Variants in SLIT2 observed in about 807,000 individuals in gnomAD.
SLIT2 encodes slit guidance ligand 2.
A neutral mutation model predicts 185.7 loss-of-function variants in SLIT2; 41 were observed. The ratio of observed to expected loss-of-function variants is 0.22; its 90% CI spans 0.17 to 0.29. SLIT2 has a LOEUF of 0.29. SLIT2 is among the 10% of genes least tolerant of loss of function. The probability of loss-of-function intolerance (pLI) is 1.00; values close to 1 mark genes in which losing one functional copy is unlikely to be tolerated. For missense variants in SLIT2, 1,571 were observed against 1,909.0 expected, an observed-to-expected ratio of 0.82 and a Z score of 3.30; for synonymous variants, 693 against 680.2, an observed-to-expected ratio of 1.02 and a Z score of -0.29.
At chr4:20,584,243 C>T (rs1053000436) in intron 29 of SLIT2, among the ~76,000 whole-genome samples, 2 of 152,300 alleles carry the variant, frequency 1.3e-5, no homozygotes, top group Non-Finnish European at 2.9e-5. Context: ...AGTCAACTCT[C>T]GTATATTGCA....
At position 20,589,115 on chromosome 4, in the gene SLIT2, T is replaced by C. The variant is rs558458917; in HGVS notation, c.3089-529T>C. On this transcript the variant is annotated intron_variant, in intron 29 of 36. Transcript: ENST00000504154. ...AGGGTACATATGGAATGATTTCATT[T>C]ATGTCAAGCTCAAAAACAGTCACAG... Among the ~76,000 whole-genome samples, 20 of 152,278 alleles carry C rather than the reference T, an allele frequency of 1.3e-4. 1 individual carries two copies. In the South Asian group the frequency reaches 3.9e-3, roughly 30 times the overall value.
At chr4:20,381,562 C>T (rs565878030) in intron 4 of SLIT2, among the ~76,000 whole-genome samples, 1 of 152,176 alleles carries the variant, frequency 6.6e-6, no homozygotes, top group Admixed American at 6.5e-5. Flanking sequence ...ATGTTACTTA[C>T]TTTTCCTGAT....
intron 4 of SLIT2, among the ~76,000 whole-genome samples, chr4:20,405,645 T>C (rs1296276231): frequency 6.6e-6 from 1 of 151,908 alleles, no homozygotes; most frequent in Non-Finnish European, 1.5e-5. Flanking sequence ...AAGGTGGTAT[T>C]AGTAGACTCA....
intron 33 of SLIT2, among the ~76,000 whole-genome samples, chr4:20,609,527 GTGTT>G (rs776320232): frequency 6.6e-6 from 1 of 152,298 alleles, no homozygotes; most frequent in Non-Finnish European, 1.5e-5. Flanking sequence ...ATTTGTGTGT[GTGTT>G]TGATTCTGGT....
At chr4:20,595,884 C>T in intron 31 of SLIT2, 50 bp downstream of exon 31, 1 of 1,484,866 alleles carries the variant, frequency 6.7e-7, no homozygotes, top group Non-Finnish European at 9.4e-7. Flanking sequence ...CCTAGCACAA[C>T]AGGGTGACTA....
At chr4:20,474,555 A>G (rs1715892696) in intron 5 of SLIT2, among the ~76,000 whole-genome samples, 1 of 152,136 alleles carries the variant, frequency 6.6e-6, no homozygotes, top group African/African-American at 2.4e-5. Flanking sequence ...CACAAAACAC[A>G]AGATAGTCTG....
At chr4:20,498,109 G>A (rs751431264) in intron 9 of SLIT2, among the ~76,000 whole-genome samples, 1 of 152,138 alleles carries the variant, frequency 6.6e-6, no homozygotes, top group Non-Finnish European at 1.5e-5. Flanking sequence ...GGAGGCGGAG[G>A]CAGCAGTCAG....
At chr4:20,361,024 T>A (rs1357684376) in intron 4 of SLIT2, among the ~76,000 whole-genome samples, 1 of 152,202 alleles carries the variant, frequency 6.6e-6, no homozygotes, top group Non-Finnish European at 1.5e-5. Context: ...TCAGAGCTGA[T>A]TAACAAATTA....
At chr4:20,551,214 C>T (rs989985620) in intron 25 of SLIT2, among the ~76,000 whole-genome samples, 1 of 152,174 alleles carries the variant, frequency 6.6e-6, no homozygotes, top group Non-Finnish European at 1.5e-5. Context: ...ACATCAGCTC[C>T]CTTTTAATTA....
At chr4:20,486,166 C>A (rs1717213493) in intron 6 of SLIT2, 34 bp from the exon 7 acceptor site, 1 of 1,291,012 alleles carries the variant, frequency 7.7e-7, no homozygotes, top group Non-Finnish European at 1.1e-6. Flanking sequence ...AATTTTGTAT[C>A]TAAAAATTCT....
chr4:20,419,726 A>T lies in SLIT2; in HGVS notation c.396-48026A>T, dbSNP rs1291667512. 2.0e-5 allele frequency among the ~76,000 whole-genome samples: 3 copies of T among 150,628 alleles called. No individual in the cohort carries two copies. In the East Asian group the frequency reaches 5.8e-4, roughly 29 times the overall value. ...GTGTGTGTGTTGCAAAAATAAATAC[A>T]GTGACTGTTATAGAGTAGAAGTTCA... On this transcript the variant is annotated intron_variant, in intron 4 of 36. Coordinates refer to ENST00000504154, the MANE Select transcript of SLIT2 (RefSeq NM_004787.4).
intron 4 of SLIT2, among the ~76,000 whole-genome samples, chr4:20,301,592 A>G (rs772769597): frequency 7.9e-4 from 120 of 152,288 alleles, no homozygotes; most frequent in African/African-American, 2.7e-3. Context: ...ATGAATTCCA[A>G]TTCACTAGAA....
intron 29 of SLIT2, among the ~76,000 whole-genome samples, chr4:20,589,316 A>G (rs561037657): frequency 8.5e-5 from 13 of 152,208 alleles, no homozygotes; most frequent in African/African-American, 2.6e-4. Flanking sequence ...ATATATCAAG[A>G]AAAAAAATCC....
intron 26 of SLIT2, among the ~76,000 whole-genome samples, chr4:20,555,933 CTA>C (rs1724218711): frequency 6.6e-6 from 1 of 151,902 alleles, no homozygotes; most frequent in Admixed American, 6.6e-5. Flanking sequence ...GCTCCAAAAA[CTA>C]TGTATACAAT....
chr4:20,314,766 G>A (rs1452032516), intron 4 of SLIT2, among the ~76,000 whole-genome samples: 1 of 152,054 alleles, frequency 6.6e-6, no homozygotes, highest in Non-Finnish European at 1.5e-5. Context: ...ATGTTAACAG[G>A]TAATTCACAA....
intron 4 of SLIT2, among the ~76,000 whole-genome samples, chr4:20,329,718 G>A (rs928071422): frequency 2.6e-5 from 4 of 152,038 alleles, no homozygotes; most frequent in Non-Finnish European, 4.4e-5. Flanking sequence ...AACAGTCTAA[G>A]CTGATTTGAT....
At chr4:20,405,272 T>C (rs982492538) in intron 4 of SLIT2, among the ~76,000 whole-genome samples, 79 of 151,896 alleles carry the variant, frequency 5.2e-4, no homozygotes, top group African/African-American at 1.9e-3. Flanking sequence ...AATAAAGAAA[T>C]TTTCTTCAAC....
At chr4:20,530,943 T>A (rs545285349) in intron 16 of SLIT2, among the ~76,000 whole-genome samples, 2 of 151,868 alleles carry the variant, frequency 1.3e-5, no homozygotes, top group South Asian at 4.2e-4. Context: ...GAGATACCAT[T>A]TTAGACCCAC....
At chr4:20,357,818 A>G (rs1722447810) in intron 4 of SLIT2, among the ~76,000 whole-genome samples, 1 of 152,130 alleles carries the variant, frequency 6.6e-6, no homozygotes, top group Non-Finnish European at 1.5e-5. Context: ...ATTGTACAAT[A>G]TTAATATTGC....
Sources: allele counts gnomAD v4.1 joint callset (sites outside exome capture counted in the v4.1 genomes callset), GRCh38; gene constraint gnomAD v4.1.1; transcripts MANE v1.5; gene names NCBI Gene and HGNC (gene_info 2026-07-23, HGNC 2026-07-21).